VRK1: variants seen among roughly 807,000 people sequenced by gnomAD.
The protein encoded by VRK1 is serine/threonine-protein kinase VRK1.
VRK1 carries 33 observed loss-of-function variants against 57.1 expected under a neutral mutation model. That is an observed-to-expected ratio of 0.58 (90% CI 0.44 to 0.77). VRK1 has a LOEUF of 0.77. Ranked by LOEUF, VRK1 falls within the 30% of genes least tolerant of loss-of-function variation. The pLI, the probability that VRK1 is intolerant of heterozygous loss-of-function variation, is 0.00. For synonymous variants in VRK1, 137 were observed against 147.8 expected, an observed-to-expected ratio of 0.93 and a Z score of 0.53; for missense variants, 413 against 477.3, an observed-to-expected ratio of 0.87 and a Z score of 1.25.
intron 11 of VRK1, 84 bp from the exon 12 acceptor site, chr14:96,875,946 A>G: frequency 7.0e-7 from 1 of 1,421,836 alleles, no homozygotes; most frequent in African/African-American, 1.4e-5. Context: ...ACATTTATAC[A>G]CACACACAGA....
intron 5 of VRK1, among the ~76,000 whole-genome samples, chr14:96,847,707 C>T (rs1887769134): frequency 6.6e-6 from 1 of 152,174 alleles, no homozygotes; most frequent in African/African-American, 2.4e-5. Flanking sequence ...CAAAAGGGAA[C>T]CCCTTCAGGA....
chr14:96,830,197 A>AT (rs1886951218), intron 1 of VRK1, among the ~76,000 whole-genome samples: 1 of 152,062 alleles, frequency 6.6e-6, no homozygotes, highest in Non-Finnish European at 1.5e-5. Flanking sequence ...TTCTGGGTTG[A>AT]TTTTTCAAAT....
rs142014899 is a variant in VRK1 at position 96,827,283 on chromosome 14, T to G, written c.-5-6184T>G. ...TACTCGAGCCAGACCTTTTAAATAT[T>G]TTTTCTTTTCCTGGACAGTGTTAGA... is the stretch of plus-strand genomic sequence containing the variant. On this transcript the variant is annotated intron_variant, in intron 1 of 12. Coordinates refer to ENST00000216639, the MANE Select transcript of VRK1 (RefSeq NM_003384.3). Among the ~76,000 whole-genome samples the G allele has an allele frequency of 3.6e-3, 555 of 152,254 alleles. 5 individuals carry two copies. The highest frequency in any genetic ancestry group is 6.8e-3 in the Middle Eastern group (2 of 294).
At chr14:96,863,295 A>T (rs1888460126) in intron 11 of VRK1, among the ~76,000 whole-genome samples, 1 of 152,224 alleles carries the variant, frequency 6.6e-6, no homozygotes, top group South Asian at 2.1e-4. Flanking sequence ...TGCAACAGTT[A>T]TTGGATTCAG....
At chr14:96,862,192 A>G (rs763159379) in intron 11 of VRK1, among the ~76,000 whole-genome samples, 15 of 151,766 alleles carry the variant, frequency 9.9e-5, no homozygotes, top group Admixed American at 2.0e-4. Context: ...TTTACAGCTG[A>G]GTAGGTCAGT....
intron 1 of VRK1, among the ~76,000 whole-genome samples, chr14:96,808,479 C>G (rs1180230790): frequency 6.6e-6 from 1 of 152,132 alleles, no homozygotes; most frequent in Non-Finnish European, 1.5e-5. Flanking sequence ...AGTGAACACC[C>G]TGTAATCACT....
In VRK1 at chr14:96,797,416, C is replaced by G. The variant is rs953897376; in HGVS notation, c.-37C>G. Reference sequence around the variant, plus strand: ...CGGCGAAAGCGGCGGGAAGTTCGTACTGGGCAGAACGCGACGGGTCTGCGG... The same window carrying G: ...CGGCGAAAGCGGCGGGAAGTTCGTAGTGGGCAGAACGCGACGGGTCTGCGG... On this transcript the variant is annotated 5_prime_UTR_variant, in exon 1 of 13. Transcript: ENST00000216639. 5 of 152,168 alleles carry G rather than the reference C, an allele frequency of 3.3e-5. No homozygotes were observed. Among genetic ancestry groups the G allele is most frequent in the Admixed American group, 3.3e-4 (5 of 15,280 alleles). 9.4% of individuals were successfully genotyped at this position (152,168 alleles called of 1,614,324 possible).
intron 1 of VRK1, among the ~76,000 whole-genome samples, chr14:96,813,277 T>G (rs1886274951): frequency 6.6e-6 from 1 of 152,188 alleles, no homozygotes; most frequent in African/African-American, 2.4e-5. Context: ...CTTTTGCATA[T>G]AGGCAGAATT....
chr14:96,826,828 T>G (rs1308331288), intron 1 of VRK1, among the ~76,000 whole-genome samples: 1 of 152,238 alleles, frequency 6.6e-6, no homozygotes, highest in East Asian at 1.9e-4. Context: ...AAATAATTCC[T>G]CTTTTAAGAA....
At chr14:96,851,856 T>TA (rs1053106506) in intron 5 of VRK1, among the ~76,000 whole-genome samples, 1 of 152,236 alleles carries the variant, frequency 6.6e-6, no homozygotes, top group African/African-American at 2.4e-5. Flanking sequence ...TTTAAGTACT[T>TA]ACAGTAGTGC....
At chr14:96,835,993 C>T (rs1413579172) in intron 2 of VRK1, among the ~76,000 whole-genome samples, 1 of 152,150 alleles carries the variant, frequency 6.6e-6, no homozygotes, top group East Asian at 1.9e-4. Context: ...AATAAGGTGC[C>T]AGACTTTTAA....
chr14:96,869,772 G>A (rs1782389424), intron 11 of VRK1, among the ~76,000 whole-genome samples: 1 of 152,036 alleles, frequency 6.6e-6, no homozygotes, highest in South Asian at 2.1e-4. Context: ...AGAATTCTGT[G>A]TCTGCCATTT....
intron 1 of VRK1, among the ~76,000 whole-genome samples, chr14:96,799,877 A>G (rs948408770): frequency 2.0e-5 from 3 of 151,852 alleles, no homozygotes; most frequent in African/African-American, 7.3e-5. Context: ...GAATTGTGCT[A>G]GGTGCAAAGT....
chr14:96,840,552 A>G (rs146208523), intron 3 of VRK1, among the ~76,000 whole-genome samples: 1 of 152,188 alleles, frequency 6.6e-6, no homozygotes, highest in Non-Finnish European at 1.5e-5. Context: ...TTAGTATTAA[A>G]TTGGGTCATT....
At chr14:96,877,727 A>AGGT in intron 12 of VRK1, 1 of 952,194 alleles carries the variant, frequency 1.1e-6, no homozygotes, top group Non-Finnish European at 1.3e-6. Context: ...GCAGAGTCTC[A>AGGT]GCTGCGCATC....
At chr14:96,851,644 TATC>T (rs1887954559) in intron 5 of VRK1, among the ~76,000 whole-genome samples, 1 of 152,228 alleles carries the variant, frequency 6.6e-6, no homozygotes, top group African/African-American at 2.4e-5. Context: ...GTCATATTGT[TATC>T]ATAGAAGCCT....
chr14:96,821,986 A>G (rs1029978439), intron 1 of VRK1, among the ~76,000 whole-genome samples: 2 of 147,416 alleles, frequency 1.4e-5, no homozygotes, highest in Non-Finnish European at 3.0e-5. Flanking sequence ...TTTTTTTTTA[A>G]CAAGTTTTTG....
At chr14:96,866,577 T>G (rs898058498) in intron 11 of VRK1, among the ~76,000 whole-genome samples, 3 of 152,134 alleles carry the variant, frequency 2.0e-5, no homozygotes, top group African/African-American at 7.2e-5. Flanking sequence ...CCAGGTTTCT[T>G]CCCAGCCAGG....
intron 11 of VRK1, among the ~76,000 whole-genome samples, chr14:96,863,237 T>C (rs554603870): frequency 1.1e-4 from 17 of 152,354 alleles, no homozygotes; most frequent in African/African-American, 3.8e-4. Context: ...ATATTTTTAT[T>C]GTTGATTAGA....
Sources: gnomAD v4.1 joint callset for allele counts (sites outside exome capture counted in the v4.1 genomes callset) on GRCh38, gnomAD v4.1.1 for gene constraint, MANE v1.5 for transcripts, NCBI Gene and HGNC (gene_info 2026-07-23, HGNC 2026-07-21) for gene names.